Variants in CLUAP1 observed in about 807,000 individuals in gnomAD.
The protein encoded by CLUAP1 is clusterin-associated protein 1.
In CLUAP1, 50 loss-of-function variants were observed where a neutral mutation model predicts 55.0. The observed-to-expected ratio is 0.91, with a 90% CI of 0.72 to 1.15. CLUAP1 has a LOEUF of 1.15. CLUAP1 is among the 50% of genes most tolerant of loss of function. The probability of loss-of-function intolerance (pLI) is 0.00; values close to 1 mark genes in which losing one functional copy is unlikely to be tolerated. For missense variants in CLUAP1, 530 were observed against 507.6 expected (o/e 1.04, Z -0.42); for synonymous variants, 195 against 175.4 (o/e 1.11, Z -0.88).
At chr16:3,533,287 T>C in intron 11 of CLUAP1, 1 of 722,506 alleles carries the variant, frequency 1.4e-6, no homozygotes, top group Non-Finnish European at 2.3e-6. Flanking sequence ...GATCCTGTGG[T>C]GACAGCGGGA....
At chr16:3,500,315 G>A (rs549860562), upstream of CLUAP1, among the ~76,000 whole-genome samples, 1 of 152,154 alleles carries the variant, frequency 6.6e-6, no homozygotes. Flanking sequence ...ATTCCGACGA[G>A]GAGCGCGCTG....
At position 3,516,502 on chromosome 16, in the gene CLUAP1, T is replaced by C. The variant is rs963375336; in HGVS notation, c.579+911T>C. On this transcript the variant is annotated intron_variant, in intron 6 of 11. Coordinates refer to ENST00000576634, the MANE Select transcript of CLUAP1 (RefSeq NM_015041.3). Reference sequence around the variant, plus strand: ...CAGATGGGTCAGATAAGTAAAAATATGGCAAGGATAATGGAGCCACGTTCC... The same window carrying C: ...CAGATGGGTCAGATAAGTAAAAATACGGCAAGGATAATGGAGCCACGTTCC... Among the ~76,000 whole-genome samples, 7 of 152,160 alleles carry C rather than the reference T, an allele frequency of 4.6e-5. No homozygotes were observed. In the East Asian group the frequency reaches 9.6e-4, roughly 21 times the overall value.
At chr16:3,533,504 G>T in intron 11 of CLUAP1, 1 of 278,194 alleles carries the variant, frequency 3.6e-6, no homozygotes, top group Non-Finnish European at 7.0e-6. Context: ...GGCCCTCGAG[G>T]TGCCAGGCAT....
At chr16:3,510,926 C>T (rs552377089) in intron 4 of CLUAP1, among the ~76,000 whole-genome samples, 143 of 152,298 alleles carry the variant, frequency 9.4e-4, no homozygotes, top group Non-Finnish European at 1.5e-3. Flanking sequence ...AAAGCCCAGG[C>T]TGGAGCTGGG....
At chr16:3,497,793 TTTTAA>T (rs1338506124), upstream of CLUAP1, among the ~76,000 whole-genome samples, 4 of 152,080 alleles carry the variant, frequency 2.6e-5, no homozygotes, top group African/African-American at 7.2e-5. Context: ...CTGGCTAATT[TTTTAA>T]TTTATTTTCA....
intron 9 of CLUAP1, among the ~76,000 whole-genome samples, chr16:3,528,711 A>G (rs753218198): frequency 1.3e-5 from 2 of 152,140 alleles, no homozygotes; most frequent in African/African-American, 4.8e-5. Context: ...TAGGAGTTCT[A>G]TAGTTTTAGC....
intron 10 of CLUAP1, among the ~76,000 whole-genome samples, chr16:3,532,117 G>T (rs1478828939): frequency 1.3e-5 from 2 of 152,054 alleles, no homozygotes; most frequent in Non-Finnish European, 2.9e-5. Context: ...GGGATTACAG[G>T]CCTGAGCCAC....
Position 3,506,049 on chromosome 16 carries a change from G to A in CLUAP1, c.135-282G>A, listed in dbSNP as rs893699589. Among the ~76,000 whole-genome samples the A allele has an allele frequency of 2.0e-5, 3 of 152,234 alleles. No homozygotes were observed. In the South Asian group the frequency reaches 6.2e-4, roughly 32 times the overall value. On this transcript the variant is annotated intron_variant, in intron 2 of 11. Transcript: ENST00000576634. ...TCTGAGTCAAGGGCTGTCAGCCAGG[G>A]TAGCAGTTCTGATTAGCTTCATGAC...
At chr16:3,501,141 C>T (rs749076413) in intron 1 of CLUAP1, 52 bp downstream of exon 1, 28 of 1,537,006 alleles carry the variant, frequency 1.8e-5, no homozygotes, top group Non-Finnish European at 2.4e-5. Flanking sequence ...AGATTCAGGG[C>T]TCCCGCCCGC....
chr16:3,529,465 A>ATTATATATTATATAAT (rs1567439294), intron 9 of CLUAP1, among the ~76,000 whole-genome samples: 1 of 73,734 alleles, frequency 1.4e-5, no homozygotes, highest in East Asian at 2.9e-4. Flanking sequence ...TATATATAAT[A>ATTATATATTATATAAT]TATATTATAT....
Position 3,536,243 on chromosome 16 carries a change from C to T in CLUAP1, c.1214C>T (p.Pro405Leu). ...AATCGAAGGGTCCGGAAATCTGAAC[C>T]CCTGGATGAGAGTGACAATGACTTC... ...KPNRRVRKSE[P>L]LDESDNDF Residue 405 changes from proline (P) to leucine (L), a missense_variant, in exon 12 of 12, where the codon CCC (proline) becomes CTC (leucine). Pro to Leu is a moderately conservative substitution (Grantham distance 98, BLOSUM62 -3). Transcript: ENST00000576634. 1 of 1,614,080 alleles carries T rather than the reference C, an allele frequency of 6.2e-7. No individual in the cohort carries two copies. Among genetic ancestry groups the T allele is most frequent in the Non-Finnish European group, 8.5e-7 (1 of 1,180,018 alleles).
rs1555495623 is a variant in CLUAP1 at position 3,529,650 on chromosome 16, T to TTATA, written c.929-915_929-914insATAT. ...ATTATATATTATTATATATTATATA[T>TTATA]TATTATATATTATATATTATTATAT... On this transcript the variant is annotated intron_variant, in intron 9 of 11. Coordinates refer to ENST00000576634, the MANE Select transcript of CLUAP1 (RefSeq NM_015041.3). 3.4e-3 allele frequency among the ~76,000 whole-genome samples: 45 copies of TTATA among 13,218 alleles called. 3 individuals are homozygous for TTATA. The highest frequency in any genetic ancestry group is 0.028 in the African/African-American group (42 of 1,484). 8.7% of individuals were successfully genotyped at this position (13,218 alleles called of 152,430 possible). A position where few individuals can be genotyped will look rare whatever the true frequency, so the allele number is the denominator to read the frequency against.
In CLUAP1 at chr16:3,530,581, G is replaced by A. The variant is rs751331352; in HGVS notation, c.942G>A (p.Ser314=). Residue 314 remains serine (S), a synonymous_variant, in exon 10 of 12, where the codon TCG becomes TCA. Transcript: ENST00000576634. ...TGTTCCTGCTAGGTAACGATGACTC[G>A]GACATAGACATCCAGGAGGACGATG... The part of the protein sequence containing the change: ...RLLKSGSNDD[S]DIDIQEDDES... 29 of 1,613,568 alleles carry A rather than the reference G, an allele frequency of 1.8e-5. No individual in the cohort carries two copies. The highest frequency in any genetic ancestry group is 5.3e-5 in the African/African-American group (4 of 74,868).
intron 2 of CLUAP1, among the ~76,000 whole-genome samples, chr16:3,505,218 G>A (rs1010463203): frequency 6.6e-6 from 1 of 152,058 alleles, no homozygotes; most frequent in African/African-American, 2.4e-5. Flanking sequence ...AGCCCGGGCA[G>A]ATTGAGACTG....
intron 4 of CLUAP1, among the ~76,000 whole-genome samples, chr16:3,511,601 G>A (rs2037626350): frequency 6.6e-6 from 1 of 152,154 alleles, no homozygotes; most frequent in African/African-American, 2.4e-5. Flanking sequence ...CCCTTTGTGT[G>A]GCCGCTCTGC....
At chr16:3,503,757 A>AT (rs926819076) in intron 1 of CLUAP1, among the ~76,000 whole-genome samples, 15 of 150,478 alleles carry the variant, frequency 1.0e-4, no homozygotes, top group African/African-American at 2.2e-4. Context: ...CACCCAGTTA[A>AT]TTTTTTTTTT....
intron 5 of CLUAP1, among the ~76,000 whole-genome samples, chr16:3,514,967 G>A (rs543683593): frequency 1.3e-5 from 2 of 152,322 alleles, no homozygotes; most frequent in South Asian, 4.1e-4. Flanking sequence ...CAGGGCCATG[G>A]TCACTGTTCT....
At chr16:3,517,455 C>T (rs2037750496) in intron 6 of CLUAP1, among the ~76,000 whole-genome samples, 1 of 151,958 alleles carries the variant, frequency 6.6e-6, no homozygotes, top group Admixed American at 6.6e-5. Flanking sequence ...TACAGGCATG[C>T]GCCACCACGC....
chr16:3,503,190 G>C (rs2037440391), intron 1 of CLUAP1, among the ~76,000 whole-genome samples: 1 of 151,940 alleles, frequency 6.6e-6, no homozygotes, highest in African/African-American at 2.4e-5. Flanking sequence ...TTGAGATGGA[G>C]TCTCGCTCTG....
Sources: gnomAD v4.1 joint callset for allele counts (sites outside exome capture counted in the v4.1 genomes callset) on GRCh38, gnomAD v4.1.1 for gene constraint, MANE v1.5 for transcripts, NCBI Gene and HGNC (gene_info 2026-07-23, HGNC 2026-07-21) for gene names.